AKAP12: variants seen among roughly 807,000 people sequenced by gnomAD.
AKAP12 encodes A-kinase anchoring protein 12.
AKAP12 carries 32 observed loss-of-function variants against 79.9 expected under a neutral mutation model. The observed-to-expected ratio is 0.40, with a 90% CI of 0.30 to 0.54. The LOEUF is 0.54. Among genes scored for constraint, AKAP12 ranks in the 20% least tolerant of loss-of-function variants. The pLI, the probability that AKAP12 is intolerant of heterozygous loss-of-function variation, is 0.48. For synonymous variants in AKAP12, 808 were observed against 857.0 expected (o/e 0.94, Z 1.00); for missense variants, 2,074 against 2,177.0 (o/e 0.95, Z 0.94).
At chr6:151,322,498 G>A (rs1334094338) in intron 3 of AKAP12, among the ~76,000 whole-genome samples, 2 of 152,140 alleles carry the variant, frequency 1.3e-5, no homozygotes, top group African/African-American at 4.8e-5. Context: ...AGTAAACTCC[G>A]AACCTCATAG....
chr6:151,300,142 G>A (rs1490199809), intron 2 of AKAP12, among the ~76,000 whole-genome samples: 1 of 152,138 alleles, frequency 6.6e-6, no homozygotes, highest in Non-Finnish European at 1.5e-5. Flanking sequence ...CTATTAGAAT[G>A]AAGGAGAAAA....
chr6:151,326,499 A>AAG (rs1554330506), intron 3 of AKAP12, among the ~76,000 whole-genome samples: 1 of 144,860 alleles, frequency 6.9e-6, no homozygotes, highest in African/African-American at 2.6e-5. Context: ...TAAAAAAAAA[A>AAG]AAAAAAAGAA....
At position 151,358,369 on chromosome 6, in the gene AKAP12, A is replaced by T. The variant is rs1400562294; in HGVS notation, c.*2655A>T. On this transcript the variant is annotated 3_prime_UTR_variant, in exon 5 of 5. Coordinates refer to ENST00000402676, the MANE Select transcript of AKAP12 (RefSeq NM_005100.4). Reference sequence around the variant, plus strand: ...TCTCTGTACATAGATAAATTGTTCCAATATTTTCCTTTGATGTTTGGAACT... The same window carrying T: ...TCTCTGTACATAGATAAATTGTTCCTATATTTTCCTTTGATGTTTGGAACT... 1 of 152,192 alleles carries T rather than the reference A, an allele frequency of 6.6e-6. No individual in the cohort carries two copies. The highest frequency in any genetic ancestry group is 2.4e-5 in the African/African-American group (1 of 41,454). 9.4% of individuals were successfully genotyped at this position (152,192 alleles called of 1,614,324 possible). A position where few individuals can be genotyped will look rare whatever the true frequency, so the allele number is the denominator to read the frequency against.
chr6:151,246,314 A>G (rs1333596065), intron 2 of AKAP12, among the ~76,000 whole-genome samples: 3 of 152,176 alleles, frequency 2.0e-5, no homozygotes, highest in Non-Finnish European at 4.4e-5. Context: ...GCTACTTGGG[A>G]AGCTGAGGCA....
chr6:151,285,963 C>G (rs761598507), intron 2 of AKAP12, among the ~76,000 whole-genome samples: 11 of 151,156 alleles, frequency 7.3e-5, no homozygotes, highest in Non-Finnish European at 1.5e-4. Flanking sequence ...CTGCAACCTT[C>G]GCCTCCTGAG....
At chr6:151,343,849 C>T (rs2114812912) in intron 3 of AKAP12, 1 of 400,368 alleles carries the variant, frequency 2.5e-6, no homozygotes, top group Middle Eastern at 4.3e-4. Flanking sequence ...TTGGATTTAA[C>T]TATAAACAAA....
intron 3 of AKAP12, among the ~76,000 whole-genome samples, chr6:151,339,078 CTG>C (rs144503557): frequency 3.3e-5 from 5 of 152,310 alleles, no homozygotes; most frequent in East Asian, 3.9e-4. Context: ...ATGACTGTAA[CTG>C]TGAATAAACT....
At chr6:151,260,176 T>C (rs796769060) in intron 2 of AKAP12, among the ~76,000 whole-genome samples, 1 of 152,194 alleles carries the variant, frequency 6.6e-6, no homozygotes, top group South Asian at 2.1e-4. Flanking sequence ...AGCAGTTGTT[T>C]TTGGGCACTT....
At chr6:151,282,444 A>G (rs1309051269) in intron 2 of AKAP12, among the ~76,000 whole-genome samples, 3 of 152,042 alleles carry the variant, frequency 2.0e-5, no homozygotes, top group Non-Finnish European at 4.4e-5. Flanking sequence ...CAGCTCACGC[A>G]TGGGGGTTTT....
At chr6:151,285,813 C>A (rs1582856219) in intron 2 of AKAP12, among the ~76,000 whole-genome samples, 1 of 151,930 alleles carries the variant, frequency 6.6e-6, no homozygotes, top group South Asian at 2.1e-4. Context: ...GTATTTGGTT[C>A]AAAAGTGCAA....
chr6:151,318,480 G>A (rs1424897144), intron 3 of AKAP12, among the ~76,000 whole-genome samples: 1 of 152,186 alleles, frequency 6.6e-6, no homozygotes, highest in Non-Finnish European at 1.5e-5. Flanking sequence ...CTTGATAGAT[G>A]TCTGGCCATT....
intron 2 of AKAP12, among the ~76,000 whole-genome samples, chr6:151,274,512 T>C (rs1369707517): frequency 6.6e-6 from 1 of 152,198 alleles, no homozygotes; most frequent in African/African-American, 2.4e-5. Flanking sequence ...TTGTTGGGAA[T>C]GTTTTCCTGA....
At chr6:151,255,146 A>G (rs1294173) in intron 2 of AKAP12, among the ~76,000 whole-genome samples, 88,064 of 151,810 alleles carry the variant, frequency 0.58, 26,327 homozygotes, top group African/African-American at 0.73. Flanking sequence ...CTGGAAAAAC[A>G]GTAGATGGGA....
intron 2 of AKAP12, among the ~76,000 whole-genome samples, chr6:151,248,435 A>G (rs907885002): frequency 6.6e-6 from 1 of 151,894 alleles, no homozygotes; most frequent in African/African-American, 2.4e-5. Context: ...CAGATATTCT[A>G]ATGTGTGGGG....
chr6:151,280,968 G>A (rs1251569854), intron 2 of AKAP12, among the ~76,000 whole-genome samples: 1 of 152,100 alleles, frequency 6.6e-6, no homozygotes, highest in Non-Finnish European at 1.5e-5. Context: ...TTTCTTATGT[G>A]TAATTCTAAA....
chr6:151,289,723 C>A (rs1167700303), intron 2 of AKAP12, among the ~76,000 whole-genome samples: 1 of 152,168 alleles, frequency 6.6e-6, no homozygotes, highest in Non-Finnish European at 1.5e-5. Context: ...TCAATACATT[C>A]TAGGCTGGCC....
chr6:151,316,243 G>A (rs979892667), intron 3 of AKAP12, among the ~76,000 whole-genome samples: 6 of 152,196 alleles, frequency 3.9e-5, no homozygotes, highest in Non-Finnish European at 7.4e-5. Context: ...GTTTTCCTCC[G>A]ACCTCTAGTG....
At chr6:151,333,219 A>G (rs932480808) in intron 3 of AKAP12, among the ~76,000 whole-genome samples, 2 of 152,090 alleles carry the variant, frequency 1.3e-5, no homozygotes, top group African/African-American at 4.8e-5. Flanking sequence ...CCAGGCCTGC[A>G]CGGGTTAGCA....
rs1292849752 is a variant in AKAP12 at position 151,240,528 on chromosome 6, C to G, written c.-35C>G. 1 of 1,410,458 alleles carries G rather than the reference C, an allele frequency of 7.1e-7. No homozygotes were observed. Among genetic ancestry groups the G allele is most frequent in the South Asian group, 1.5e-5 (1 of 67,146 alleles). The allele number at this position is 1,410,458 out of a possible 1,614,324, so 87.4% of individuals were successfully genotyped here. ...CCCTGCGGCTTGGGGAAGGCGTAACCCGGCGGCTAGGCGCGGGAGAAGTGC... is the reference window on the plus strand; with the variant it reads ...CCCTGCGGCTTGGGGAAGGCGTAACGCGGCGGCTAGGCGCGGGAGAAGTGC... On this transcript the variant is annotated 5_prime_UTR_variant, in exon 2 of 5. Transcript: ENST00000402676.
Sources: gnomAD v4.1 joint callset for allele counts (sites outside exome capture counted in the v4.1 genomes callset) on GRCh38, gnomAD v4.1.1 for gene constraint, MANE v1.5 for transcripts, NCBI Gene and HGNC (gene_info 2026-07-23, HGNC 2026-07-21) for gene names.